Variants in NUDCD1 observed in about 807,000 individuals in gnomAD.
The protein encoded by NUDCD1 is nudC domain-containing protein 1.
NUDCD1 carries 60 observed loss-of-function variants against 67.8 expected under a neutral mutation model. The ratio of observed to expected loss-of-function variants is 0.88; its 90% CI spans 0.72 to 1.10. The LOEUF (loss-of-function observed/expected upper bound fraction) is 1.10. Among genes scored for constraint, NUDCD1 ranks in the 50% least tolerant of loss-of-function variants. The probability of loss-of-function intolerance (pLI) is 0.00; values close to 1 mark genes in which losing one functional copy is unlikely to be tolerated. For missense variants in NUDCD1, 643 were observed against 695.0 expected (o/e 0.93, Z 0.84); for synonymous variants, 244 against 230.8 (o/e 1.06, Z -0.52).
chr8:109,267,632 G>C (rs913917686), intron 8 of NUDCD1, among the ~76,000 whole-genome samples: 1 of 151,904 alleles, frequency 6.6e-6, no homozygotes, highest in Admixed American at 6.5e-5. Context: ...CTGAAACAAA[G>C]ATAAGAATCT....
At chr8:109,317,851 T>G (rs1291141181) in intron 2 of NUDCD1, among the ~76,000 whole-genome samples, 1 of 152,240 alleles carries the variant, frequency 6.6e-6, no homozygotes, top group Non-Finnish European at 1.5e-5. Context: ...TTATCATTAT[T>G]CTTATTTTCT....
chr8:109,332,289 C>T (rs1815822471), intron 1 of NUDCD1, among the ~76,000 whole-genome samples: 1 of 152,144 alleles, frequency 6.6e-6, no homozygotes, highest in African/African-American at 2.4e-5. Context: ...AGAGATAACT[C>T]TGATTTGGAT....
chr8:109,259,591 A>C (rs535632551), intron 8 of NUDCD1, among the ~76,000 whole-genome samples: 57 of 152,304 alleles, frequency 3.7e-4, no homozygotes, highest in Admixed American at 1.2e-3. Flanking sequence ...AATGCCCTCC[A>C]CTTCACTGCC....
chr8:109,259,466 G>A (rs1049180977), intron 8 of NUDCD1, among the ~76,000 whole-genome samples: 2 of 152,218 alleles, frequency 1.3e-5, no homozygotes, highest in African/African-American at 4.8e-5. Flanking sequence ...TTATGGATAA[G>A]AAGATGGAAT....
In NUDCD1 at chr8:109,293,347, G is replaced by C; in HGVS notation, c.637C>G (p.Gln213Glu). 1.3e-6 allele frequency: 2 copies of C among 1,531,470 alleles called. No homozygotes were observed. The highest frequency in any genetic ancestry group is 1.8e-6 in the Non-Finnish European group (2 of 1,137,840). 94.9% of individuals were successfully genotyped at this position (1,531,470 alleles called of 1,614,324 possible). A position where few individuals can be genotyped will look rare whatever the true frequency, so the allele number is the denominator to read the frequency against. The change falls in exon 4 of 10, where the codon CAA (glutamine) becomes GAA (glutamate). Residue 213 changes from glutamine (Q) to glutamate (E), a missense_variant. Gln to Glu is a conservative substitution (Grantham distance 29). Coordinates refer to ENST00000239690, the MANE Select transcript of NUDCD1 (RefSeq NM_032869.4). The part of the protein sequence containing the change: ...LEWVTISKKN[Q>E]DNKKYEIIKR... ...CAGATTCAGACTTTTGTTTTACCTT[G>C]ATTTTTCTTACTGATAGTGACCCAC...
chr8:109,259,826 CA>C (rs1813825114), intron 8 of NUDCD1, among the ~76,000 whole-genome samples: 1 of 152,128 alleles, frequency 6.6e-6, no homozygotes, highest in African/African-American at 2.4e-5. Flanking sequence ...TTCACTTTCT[CA>C]AAAACAGGAG....
At chr8:109,321,333 AG>A (rs1265958027) in intron 2 of NUDCD1, among the ~76,000 whole-genome samples, 3 of 152,228 alleles carry the variant, frequency 2.0e-5, no homozygotes. Context: ...GGTAAGTGAA[AG>A]GAATTATATT....
At chr8:109,255,523 G>T (rs909898875) in intron 8 of NUDCD1, among the ~76,000 whole-genome samples, 1 of 151,894 alleles carries the variant, frequency 6.6e-6, no homozygotes, top group Non-Finnish European at 1.5e-5. Context: ...TTTTAAAACT[G>T]ATACTTTTTT....
intron 2 of NUDCD1, 87 bp downstream of exon 2, chr8:109,322,222 G>C (rs528303958): frequency 1.5e-6 from 1 of 651,310 alleles, no homozygotes; most frequent in African/African-American, 1.8e-5. Flanking sequence ...CACTTCTCTG[G>C]ATATTAGATT....
In NUDCD1 at chr8:109,321,558, A is replaced by T. The variant is rs534575433; in HGVS notation, c.273+751T>A. Reference sequence around the variant, plus strand: ...CTGTGATTAATTCCTCCTGCAAAAAAGTAGGAACAAAGACACCAAGGAACA... The same window carrying T: ...CTGTGATTAATTCCTCCTGCAAAAATGTAGGAACAAAGACACCAAGGAACA... On this transcript the variant is annotated intron_variant, in intron 2 of 9. Transcript: ENST00000239690. Among the ~76,000 whole-genome samples, 7 of 152,236 alleles carry T rather than the reference A, an allele frequency of 4.6e-5. No individual in the cohort carries two copies. In the South Asian group the frequency reaches 1.2e-3, roughly 27 times the overall value.
chr8:109,262,136 T>C (rs749233612), intron 8 of NUDCD1, among the ~76,000 whole-genome samples: 1 of 152,232 alleles, frequency 6.6e-6, no homozygotes, highest in Non-Finnish European at 1.5e-5. Flanking sequence ...TACTTGTATA[T>C]GTGGTTTTAC....
chr8:109,257,669 T>C (rs1027152736), intron 8 of NUDCD1, among the ~76,000 whole-genome samples: 5 of 152,110 alleles, frequency 3.3e-5, no homozygotes, highest in African/African-American at 1.2e-4. Context: ...GGAAACTCCC[T>C]GTAACGCGAC....
chr8:109,250,160 C>G (rs1041690573), intron 8 of NUDCD1, among the ~76,000 whole-genome samples: 1 of 152,088 alleles, frequency 6.6e-6, no homozygotes, highest in Non-Finnish European at 1.5e-5. Context: ...TTGTTGAATT[C>G]TTTACTTCTT....
chr8:109,314,082 C>T (rs1586303632), intron 2 of NUDCD1, among the ~76,000 whole-genome samples: 1 of 152,256 alleles, frequency 6.6e-6, no homozygotes, highest in Middle Eastern at 3.4e-3. Context: ...CAAAATATAG[C>T]ATTTACTTAT....
chr8:109,305,827 G>A (rs1019010883), intron 2 of NUDCD1, among the ~76,000 whole-genome samples: 39 of 152,108 alleles, frequency 2.6e-4, no homozygotes, highest in Admixed American at 2.4e-3. Context: ...TAGGTTCATA[G>A]ATCCAGAGTA....
chr8:109,279,240 G>A lies in NUDCD1; in HGVS notation c.1028+1728C>T, dbSNP rs907165824. On this transcript the variant is annotated intron_variant, in intron 6 of 9. Coordinates refer to ENST00000239690, the MANE Select transcript of NUDCD1 (RefSeq NM_032869.4). ...GTATTATTATTTTACACTCGTACCA[G>A]ATATGAATGAGTTGCTGGTGCCCCA... Among the ~76,000 whole-genome samples, 5 of 152,210 alleles carry A rather than the reference G, an allele frequency of 3.3e-5. No individual in the cohort carries two copies. In the South Asian group the frequency reaches 1.0e-3, roughly 32 times the overall value.
intron 8 of NUDCD1, among the ~76,000 whole-genome samples, chr8:109,268,416 C>T (rs80126862): frequency 0.011 from 1,680 of 152,182 alleles, 43 homozygotes; most frequent in African/African-American, 0.039. Flanking sequence ...ATCCACTAAG[C>T]TTTGGTACTG....
At chr8:109,294,334 T>C (rs1400817928) in intron 3 of NUDCD1, among the ~76,000 whole-genome samples, 1 of 152,248 alleles carries the variant, frequency 6.6e-6, no homozygotes, top group Non-Finnish European at 1.5e-5. Context: ...TGTCATCAAG[T>C]TCCCTATGTA....
chr8:109,247,501 A>G (rs137985187), intron 8 of NUDCD1, among the ~76,000 whole-genome samples: 1 of 152,316 alleles, frequency 6.6e-6, no homozygotes, highest in Non-Finnish European at 1.5e-5. Flanking sequence ...GAATGAAGGT[A>G]GGTGCCTTAT....
Sources: gnomAD v4.1 joint callset for allele counts (sites outside exome capture counted in the v4.1 genomes callset) on GRCh38, gnomAD v4.1.1 for gene constraint, MANE v1.5 for transcripts, NCBI Gene and HGNC (gene_info 2026-07-23, HGNC 2026-07-21) for gene names.